Variants in NPHP3 observed in about 807,000 individuals in gnomAD.
The protein encoded by NPHP3 is nephrocystin 3, also known as nephrocystin-3.
In NPHP3, 123 loss-of-function variants were observed where a neutral mutation model predicts 171.9. The observed-to-expected ratio is 0.72, with a 90% CI of 0.62 to 0.83. The LOEUF is 0.83. NPHP3 is among the 40% of genes least tolerant of loss of function. The pLI is 0.00. For missense variants in NPHP3, 1,506 were observed against 1,591.9 expected (o/e 0.95, Z 0.92); for synonymous variants, 558 against 579.2 (o/e 0.96, Z 0.52).
rs931215803 is a variant in NPHP3 at position 132,699,440 on chromosome 3, T to G, written c.1898A>C (p.Lys633Thr). ...DSIDQVQQVE[K>T]HMKWLIDPLP... ...TGGATCTATCAGCCATTTCATGTGTTTTTCAACTTGCTTAAAAATATAAAA... is the reference window on the plus strand; with the variant it reads ...TGGATCTATCAGCCATTTCATGTGTGTTTCAACTTGCTTAAAAATATAAAA... Residue 633 changes from lysine (K) to threonine (T), a missense_variant, in exon 13 of 27, where the codon AAA becomes ACA. By Grantham distance (78) the Lys-to-Thr change is moderately conservative. Around this residue, in one of 3 missense-constraint regions of NPHP3, gnomAD observed 930 missense variants for 924.9 expected, o/e 1.01. Coordinates refer to ENST00000337331, the MANE Select transcript of NPHP3 (RefSeq NM_153240.5). 6.2e-7 allele frequency: 1 copy of G among 1,608,720 alleles called. No homozygotes were observed. The highest frequency in any genetic ancestry group is 1.3e-5 in the African/African-American group (1 of 74,892).
At chr3:132,685,344 G>A (rs1939128777) in intron 23 of NPHP3, 1 of 153,504 alleles carries the variant, frequency 6.5e-6, no homozygotes, top group South Asian at 2.0e-4. Flanking sequence ...TTGAATTCCT[G>A]GCTTCAAGTG....
intron 16 of NPHP3, chr3:132,693,048 C>T (rs538412633): frequency 8.1e-6 from 4 of 494,982 alleles, no homozygotes; most frequent in South Asian, 8.1e-5. Context: ...AACACTCTTA[C>T]AGAAAAAAGT....
chr3:132,719,815 AC>A lies in NPHP3; in HGVS notation c.408del (p.Tyr137IlefsTer12). ...TCTTTTTCTCGAAGTATCTTCTGATACGTTTTTTGAAGTGCCTAGAATAATT... is the reference window on the plus strand; with the variant it reads ...TCTTTTTCTCGAAGTATCTTCTGATAGTTTTTTGAAGTGCCTAGAATAATT... ...LRAELQALQK[T>X]YQKILREKES... On this transcript the variant is annotated frameshift_variant, in exon 2 of 27. Coordinates refer to ENST00000337331, the MANE Select transcript of NPHP3 (RefSeq NM_153240.5). LOFTEE classifies it high-confidence loss of function. 6.3e-7 allele frequency: 1 copy of A among 1,592,242 alleles called. No individual in the cohort carries two copies.
intron 24 of NPHP3, among the ~76,000 whole-genome samples, chr3:132,684,060 T>C (rs540499170): frequency 1.3e-5 from 2 of 152,292 alleles, no homozygotes; most frequent in South Asian, 2.1e-4. Context: ...AGAACAGCTA[T>C]AAAAATCCCA....
chr3:132,719,186 T>C, intron 2 of NPHP3, 42 bp from the exon 3 acceptor site: 1 of 1,496,296 alleles, frequency 6.7e-7, no homozygotes, highest in Non-Finnish European at 9.1e-7. Context: ...TTTTTCATAA[T>C]CAAAAAGTTG....
intron 16 of NPHP3, chr3:132,693,859 C>CGAGA (rs1316215514): frequency 4.9e-5 from 7 of 142,110 alleles, no homozygotes; most frequent in African/African-American, 1.9e-4. Flanking sequence ...GGCGACAAGG[C>CGAGA]GAGACTCTGT....
At chr3:132,718,902 A>G (rs1940128154) in intron 3 of NPHP3, 92 bp downstream of exon 3, 13 of 1,280,962 alleles carry the variant, frequency 1.0e-5, no homozygotes, top group Non-Finnish European at 1.4e-5. Context: ...TAATATAGAT[A>G]AGTAAAAGAA....
chr3:132,697,652 A>G (rs1464557359), intron 13 of NPHP3, among the ~76,000 whole-genome samples: 1 of 152,242 alleles, frequency 6.6e-6, no homozygotes, highest in Non-Finnish European at 1.5e-5. Context: ...TACTATCAGT[A>G]AAACTAAGCA....
chr3:132,690,792 G>T, intron 18 of NPHP3, 142 bp from the exon 19 acceptor site: 1 of 841,648 alleles, frequency 1.2e-6, no homozygotes, highest in Non-Finnish European at 1.8e-6. Flanking sequence ...AAAAAAGTTA[G>T]GTCAAAATCA....
At chr3:132,693,706 T>C (rs1329239238) in intron 16 of NPHP3, 1 of 152,064 alleles carries the variant, frequency 6.6e-6, no homozygotes, top group Non-Finnish European at 1.5e-5. Context: ...ACCCCATCTC[T>C]ACTAAAAATA....
At chr3:132,719,879 CA>C (rs1342286861) in intron 1 of NPHP3, 49 bp from the exon 2 acceptor site, 1 of 1,226,816 alleles carries the variant, frequency 8.2e-7, no homozygotes, top group East Asian at 2.9e-5. Context: ...TCTTGCTCCT[CA>C]ATTTTACATT....
At chr3:132,688,051 C>A (rs76967933) in intron 21 of NPHP3, among the ~76,000 whole-genome samples, 9,458 of 152,214 alleles carry the variant, frequency 0.062, 404 homozygotes, top group Middle Eastern at 0.092. Context: ...TTGAACATCC[C>A]TAATCTGAAA....
chr3:132,705,412 T>C (rs1269274398), intron 8 of NPHP3, among the ~76,000 whole-genome samples: 1 of 152,112 alleles, frequency 6.6e-6, no homozygotes, highest in African/African-American at 2.4e-5. Context: ...TATATAAAAA[T>C]TCAAAATTCA....
chr3:132,703,008 C>T (rs971996051), intron 9 of NPHP3, among the ~76,000 whole-genome samples: 1 of 152,148 alleles, frequency 6.6e-6, no homozygotes, highest in Non-Finnish European at 1.5e-5. Context: ...TTAGGCAAAC[C>T]CTAATCTGAA....
intron 17 of NPHP3, among the ~76,000 whole-genome samples, chr3:132,691,494 AAC>A (rs754647823): frequency 2.6e-5 from 4 of 152,234 alleles, no homozygotes; most frequent in Non-Finnish European, 4.4e-5. Flanking sequence ...ATAAGCTCAA[AAC>A]ACAATTTAAT....
chr3:132,710,829 A>G (rs911780246), intron 6 of NPHP3, among the ~76,000 whole-genome samples: 2 of 152,176 alleles, frequency 1.3e-5, no homozygotes, highest in African/African-American at 4.8e-5. Flanking sequence ...CACCTTCTCC[A>G]GTCAGTAACA....
Position 132,700,394 on chromosome 3 carries a change from C to T in NPHP3, c.1683G>A (p.Val561=). 6.2e-7 allele frequency: 1 copy of T among 1,613,578 alleles called. No homozygotes were observed. Among genetic ancestry groups the T allele is most frequent in the Non-Finnish European group, 8.5e-7 (1 of 1,179,682 alleles). The change falls in exon 11 of 27, where the codon GTG becomes GTA. Residue 561 remains valine, a synonymous_variant. Coordinates refer to ENST00000337331, the MANE Select transcript of NPHP3 (RefSeq NM_153240.5). ...CTGAGCTGGTTGACATGGGCCTTCCCACAAAATGGGAAAGAATCAGTGTGT... is the reference window on the plus strand; with the variant it reads ...CTGAGCTGGTTGACATGGGCCTTCCTACAAAATGGGAAAGAATCAGTGTGT... The part of the protein sequence containing the change: ...SPNTLILSHF[V]GRPMSTSSES...
intron 20 of NPHP3, 35 bp from the exon 21 acceptor site, chr3:132,688,926 G>A: frequency 6.2e-7 from 1 of 1,613,862 alleles, no homozygotes; most frequent in Non-Finnish European, 8.5e-7. Context: ...CAGTTAAAGT[G>A]AGTGAAATGC....
chr3:132,716,999 A>C, intron 3 of NPHP3, 90 bp from the exon 4 acceptor site: 1 of 1,291,046 alleles, frequency 7.7e-7, no homozygotes, highest in African/African-American at 1.5e-5. Flanking sequence ...TGCTGATTTT[A>C]AAAAATATGA....
Sources: allele counts gnomAD v4.1 joint callset (sites outside exome capture counted in the v4.1 genomes callset), GRCh38; gene constraint gnomAD v4.1.1; regional missense constraint gnomAD v4.1.1; transcripts MANE v1.5; gene names NCBI Gene and HGNC (gene_info 2026-07-23, HGNC 2026-07-21).